The following MEF2A variants were observed in gnomAD, a reference collection of about 807,000 sequenced individuals.
MEF2A encodes myocyte enhancer factor 2A, also known as myocyte-specific enhancer factor 2A.
A neutral mutation model predicts 55.8 loss-of-function variants in MEF2A; 28 were observed. The ratio of observed to expected loss-of-function variants is 0.50; its 90% CI spans 0.37 to 0.69. The LOEUF is 0.69. Among genes scored for constraint, MEF2A ranks in the 30% least tolerant of loss-of-function variants. The pLI is 0.00. For synonymous variants in MEF2A, 239 were observed against 227.1 expected (o/e 1.05, Z -0.47); for missense variants, 528 against 626.2 (o/e 0.84, Z 1.67).
rs2058987063 is a variant in MEF2A at position 99,714,769 on chromosome 15, A to C, written c.*1998A>C. ...TTTTATATTTTAAATGATATTGAGC[A>C]GCTACCTACAATTTCTATGTACATT... On this transcript the variant is annotated 3_prime_UTR_variant, in exon 12 of 12. Coordinates refer to ENST00000557942, the MANE Select transcript of MEF2A (RefSeq NM_001319206.4). 1 of 151,836 alleles carries C rather than the reference A, an allele frequency of 6.6e-6. No homozygotes were observed. The highest frequency in any genetic ancestry group is 2.4e-5 in the African/African-American group (1 of 41,386). 9.4% of individuals were successfully genotyped at this position (151,836 alleles called of 1,614,324 possible).
At chr15:99,666,578 T>TATAATAATAATAATAATA (rs55855939) in intron 4 of MEF2A, among the ~76,000 whole-genome samples, 84 of 141,258 alleles carry the variant, frequency 5.9e-4, no homozygotes, top group Admixed American at 8.6e-4. Context: ...GAACTTAAAG[T>TATAATAATAATAATAATA]ATAATAATAA....
At position 99,700,902 on chromosome 15, in the gene MEF2A, A is replaced by G. The variant is rs141112784; in HGVS notation, c.859-2460A>G. On this transcript the variant is annotated intron_variant, in intron 8 of 11. Coordinates refer to ENST00000557942, the MANE Select transcript of MEF2A (RefSeq NM_001319206.4). ...TTGAGTCCATTACTGATATAAATAA[A>G]TGATAGAATAAATAAGGGGAAAAAG... Among the ~76,000 whole-genome samples, 7 of 118,192 alleles carry G rather than the reference A, an allele frequency of 5.9e-5. No homozygotes were observed. The South Asian group carries it at 2.4e-3, about 40-fold the overall frequency. 77.5% of individuals were successfully genotyped at this position (118,192 alleles called of 152,430 possible). A position where few individuals can be genotyped will look rare whatever the true frequency, so the allele number is the denominator to read the frequency against.
intron 7 of MEF2A, among the ~76,000 whole-genome samples, chr15:99,678,038 A>T (rs547223841): frequency 6.6e-6 from 1 of 152,376 alleles, no homozygotes; most frequent in Non-Finnish European, 1.5e-5. Context: ...ATTGATACTG[A>T]AATAGAAAAA....
intron 1 of MEF2A, among the ~76,000 whole-genome samples, chr15:99,578,668 C>A (rs1965055827): frequency 6.6e-6 from 1 of 152,238 alleles, no homozygotes; most frequent in East Asian, 1.9e-4. Flanking sequence ...CATTTACTCA[C>A]ATCCACAGTC....
intron 4 of MEF2A, among the ~76,000 whole-genome samples, chr15:99,661,352 C>A (rs2153570763): frequency 1.4e-5 from 2 of 147,504 alleles, no homozygotes; most frequent in Middle Eastern, 7.5e-3. Flanking sequence ...ATATGGATAA[C>A]TGGAAAGGAA....
chr15:99,680,715 G>A (rs1597109651), intron 7 of MEF2A, among the ~76,000 whole-genome samples: 2 of 151,956 alleles, frequency 1.3e-5, no homozygotes, highest in Non-Finnish European at 2.9e-5. Flanking sequence ...GATTTAAAAC[G>A]AGCAAAAAAT....
At chr15:99,708,412 T>G (rs1305961846) in intron 10 of MEF2A, among the ~76,000 whole-genome samples, 1 of 152,242 alleles carries the variant, frequency 6.6e-6, no homozygotes, top group African/African-American at 2.4e-5. Flanking sequence ...ACTATACTTA[T>G]TTTTAGAAAT....
At chr15:99,578,548 G>A (rs1254883847) in intron 1 of MEF2A, among the ~76,000 whole-genome samples, 1 of 152,144 alleles carries the variant, frequency 6.6e-6, no homozygotes, top group Non-Finnish European at 1.5e-5. Context: ...TTGGGGGATA[G>A]CATTTAGAAA....
At chr15:99,682,396 G>C (rs1224321213) in intron 7 of MEF2A, among the ~76,000 whole-genome samples, 1 of 152,072 alleles carries the variant, frequency 6.6e-6, no homozygotes, top group Non-Finnish European at 1.5e-5. Context: ...CATTAAATTG[G>C]ATTTATTCAT....
chr15:99,632,020 C>T (rs750659877), intron 2 of MEF2A, among the ~76,000 whole-genome samples: 7 of 152,126 alleles, frequency 4.6e-5, no homozygotes, highest in African/African-American at 1.4e-4. Flanking sequence ...CCCATCTCCT[C>T]GTATTTTTAT....
intron 1 of MEF2A, among the ~76,000 whole-genome samples, chr15:99,580,938 C>A (rs950529426): frequency 2.0e-5 from 3 of 152,014 alleles, no homozygotes; most frequent in Admixed American, 6.6e-5. Flanking sequence ...TGATGTTATT[C>A]CTTGACTCTA....
At chr15:99,678,367 G>A (rs2052533482) in intron 7 of MEF2A, among the ~76,000 whole-genome samples, 1 of 152,136 alleles carries the variant, frequency 6.6e-6, no homozygotes, top group Non-Finnish European at 1.5e-5. Context: ...TACTGGAAAG[G>A]AATGTTTATT....
rs2153830651 is a variant in MEF2A, at chr15:99,712,096, A to G, written c.1137-294A>G. Among the ~76,000 whole-genome samples the G allele has an allele frequency of 6.6e-6, 1 of 152,362 alleles. No individual in the cohort carries two copies. The highest frequency in any genetic ancestry group is 1.9e-4 in the East Asian group (1 of 5,186). On this transcript the variant is annotated intron_variant, in intron 11 of 11. Coordinates refer to ENST00000557942, the MANE Select transcript of MEF2A (RefSeq NM_001319206.4). This position sits in a 1 kb window ranked among gnomAD's most constrained non-coding sequence, Gnocchi z 4.1. The stretch of plus-strand genomic sequence containing the variant: ...GTTCCTCTGTCTTTCTGGTCCCTGC[A>G]CAGCATTAAGACACTGACATTGTTT...
chr15:99,673,909 A>T (rs1042638043), intron 5 of MEF2A, among the ~76,000 whole-genome samples: 2 of 151,820 alleles, frequency 1.3e-5, no homozygotes, highest in Non-Finnish European at 2.9e-5. Context: ...ATTAAATCAG[A>T]ATGGGGAATA....
intron 10 of MEF2A, among the ~76,000 whole-genome samples, chr15:99,707,543 T>G (rs1327811003): frequency 1.3e-5 from 2 of 152,144 alleles, no homozygotes; most frequent in African/African-American, 4.8e-5. Context: ...ATCGTAGGAG[T>G]GCTTTTAGCC....
At chr15:99,704,472 C>T (rs564402252) in intron 9 of MEF2A, among the ~76,000 whole-genome samples, 4 of 152,168 alleles carry the variant, frequency 2.6e-5, no homozygotes, top group Non-Finnish European at 5.9e-5. Flanking sequence ...GTTTATAATT[C>T]AAGCTAAAAT....
chr15:99,674,145 T>G (rs2051425743), intron 5 of MEF2A, among the ~76,000 whole-genome samples: 1 of 152,200 alleles, frequency 6.6e-6, no homozygotes, highest in South Asian at 2.1e-4. Flanking sequence ...TATGAATATT[T>G]GAAATATAGA....
chr15:99,686,456 T>A (rs2054238035), intron 7 of MEF2A, among the ~76,000 whole-genome samples: 1 of 152,196 alleles, frequency 6.6e-6, no homozygotes, highest in Admixed American at 6.5e-5. Flanking sequence ...TGAAAAAGAC[T>A]CTCTCTTCTT....
Position 99,657,821 on chromosome 15 carries a change from A to C in MEF2A, c.258+12057A>C, listed in dbSNP as rs956945528. Reference sequence around the variant, plus strand: ...ATTTAGTACTGAGCAGATAGGGGAAAGAAGAGAACACGAAAAGAAAAATAG... The same window carrying C: ...ATTTAGTACTGAGCAGATAGGGGAACGAAGAGAACACGAAAAGAAAAATAG... On this transcript the variant is annotated intron_variant, in intron 4 of 11. Coordinates refer to ENST00000557942, the MANE Select transcript of MEF2A (RefSeq NM_001319206.4). 1.6e-4 allele frequency among the ~76,000 whole-genome samples: 25 copies of C among 152,294 alleles called. 1 individual carries two copies. The highest frequency in any genetic ancestry group is 3.4e-3 in the Middle Eastern group (1 of 294).
Sources: gnomAD v4.1 joint callset for allele counts (sites outside exome capture counted in the v4.1 genomes callset) on GRCh38, gnomAD v4.1.1 for gene constraint, Gnocchi (gnomAD v3.1) non-coding constraint, MANE v1.5 for transcripts, NCBI Gene and HGNC (gene_info 2026-07-23, HGNC 2026-07-21) for gene names.